POLE2: variants seen among roughly 807,000 people sequenced by gnomAD.
POLE2 encodes the protein DNA polymerase epsilon 2, accessory subunit.
In POLE2, 56 loss-of-function variants were observed where a neutral mutation model predicts 79.4. The ratio of observed to expected loss-of-function variants is 0.71; its 90% CI spans 0.57 to 0.88. The LOEUF (loss-of-function observed/expected upper bound fraction) is 0.88. Ranked by LOEUF, POLE2 falls within the 40% of genes least tolerant of loss-of-function variation. The probability of loss-of-function intolerance (pLI) is 0.00; values close to 1 mark genes in which losing one functional copy is unlikely to be tolerated. For missense variants in POLE2, 598 were observed against 638.9 expected (o/e 0.94, Z 0.69); for synonymous variants, 212 against 214.0 (o/e 0.99, Z 0.08).
rs1369063857 is a variant in POLE2 at position 49,680,810 on chromosome 14, T to C, written c.170-1010A>G. Among the ~76,000 whole-genome samples the C allele has an allele frequency of 2.0e-5, 3 of 152,238 alleles. No homozygotes were observed. The East Asian group carries it at 5.8e-4, about 29-fold the overall frequency. On this transcript the variant is annotated intron_variant, in intron 2 of 18. Transcript: ENST00000216367. The stretch of plus-strand genomic sequence containing the variant: ...GCTCTGTCAGCTAATTTTTTGTATT[T>C]TTAGTAGAGACGGGGTTTCACTGTG...
intron 9 of POLE2, among the ~76,000 whole-genome samples, chr14:49,664,323 T>C (rs1035362072): frequency 9.1e-5 from 13 of 142,592 alleles, no homozygotes; most frequent in African/African-American, 3.5e-4. Context: ...CACTCCAGCC[T>C]AGGTGACAGA....
chr14:49,677,681 G>A (rs1045837798), intron 3 of POLE2: 52 of 1,141,682 alleles, frequency 4.6e-5, no homozygotes, highest in Middle Eastern at 5.5e-4. Context: ...AGGCCCTTAC[G>A]AAATGGTGTT....
intron 15 of POLE2, among the ~76,000 whole-genome samples, chr14:49,653,659 T>C (rs1021588995): frequency 5.9e-5 from 9 of 152,176 alleles, no homozygotes; most frequent in Admixed American, 6.5e-5. Context: ...TTTTTGTTTT[T>C]TTGAGACAGG....
At chr14:49,686,136 C>G (rs979221986) in intron 1 of POLE2, among the ~76,000 whole-genome samples, 1 of 152,158 alleles carries the variant, frequency 6.6e-6, no homozygotes, top group Non-Finnish European at 1.5e-5. Context: ...TCCATTACTC[C>G]TGGTAGTTAC....
intron 18 of POLE2, 56 bp from the exon 19 acceptor site, chr14:49,643,726 T>C (rs1329420354): frequency 5.7e-6 from 5 of 876,500 alleles, no homozygotes; most frequent in African/African-American, 5.2e-5. Flanking sequence ...TACTTACTAA[T>C]AGTTGTAGTT....
intron 10 of POLE2, among the ~76,000 whole-genome samples, chr14:49,661,357 A>C (rs1885087753): frequency 6.6e-6 from 1 of 152,206 alleles, no homozygotes; most frequent in African/African-American, 2.4e-5. Flanking sequence ...GTTCCCACCA[A>C]GTGGACCAAC....
rs1566522550 is a variant in POLE2 at position 49,646,301 on chromosome 14, G to GTTTT, written c.1565+991_1565+992insAAAA. Among the ~76,000 whole-genome samples, 45 of 90,768 alleles carry GTTTT rather than the reference G, an allele frequency of 5.0e-4. 2 individuals carry two copies. The highest frequency in any genetic ancestry group is 2.1e-3 in the African/African-American group (44 of 21,064). 59.5% of individuals were successfully genotyped at this position (90,768 alleles called of 152,430 possible). On this transcript the variant is annotated intron_variant, in intron 18 of 18. Coordinates refer to ENST00000216367, the MANE Select transcript of POLE2 (RefSeq NM_002692.4). ...TGATTTGGTCAGTTGTTTTTTTGTT[G>GTTTT]GTTTTTTTTTTTTTTTTTTTTTTTT...
intron 13 of POLE2, 199 bp from the exon 14 acceptor site, chr14:49,654,413 GC>G: frequency 3.8e-6 from 2 of 529,692 alleles, no homozygotes; most frequent in South Asian, 5.8e-5. Context: ...TATCTGCACT[GC>G]CCAATTGAAC....
At chr14:49,667,061 G>T (rs372251009) in intron 6 of POLE2, among the ~76,000 whole-genome samples, 2 of 151,914 alleles carry the variant, frequency 1.3e-5, no homozygotes, top group African/African-American at 4.8e-5. Flanking sequence ...GGTGGCAGGC[G>T]CCTGTAGTCC....
intron 1 of POLE2, among the ~76,000 whole-genome samples, chr14:49,686,309 T>C (rs1887133086): frequency 1.3e-5 from 2 of 152,212 alleles, no homozygotes; most frequent in African/African-American, 4.8e-5. Flanking sequence ...CCTCCTTGAT[T>C]AGGTTGCCTC....
intron 15 of POLE2, among the ~76,000 whole-genome samples, chr14:49,652,250 C>T (rs1884312043): frequency 1.3e-4 from 1 of 7,728 alleles, no homozygotes; most frequent in East Asian, 5.2e-4. Context: ...GGCAACAGAG[C>T]GAGACTCCGT....
At chr14:49,687,856 C>T (rs571256776) in intron 1 of POLE2, among the ~76,000 whole-genome samples, 2 of 152,066 alleles carry the variant, frequency 1.3e-5, no homozygotes, top group Non-Finnish European at 2.9e-5. Context: ...CGCGCCACCA[C>T]GCCCAGCTAA....
At chr14:49,679,484 C>A in intron 3 of POLE2, 1 of 382,814 alleles carries the variant, frequency 2.6e-6, no homozygotes, top group Non-Finnish European at 4.7e-6. Context: ...GGGTAGGCAG[C>A]AAAAGTTAGT....
chr14:49,645,751 C>G (rs1191359736), intron 18 of POLE2, among the ~76,000 whole-genome samples: 1 of 152,220 alleles, frequency 6.6e-6, no homozygotes, highest in Non-Finnish European at 1.5e-5. Flanking sequence ...CCACCTCAGT[C>G]TCCCCAGTAC....
chr14:49,677,397 A>G, intron 3 of POLE2: 1 of 482,590 alleles, frequency 2.1e-6, no homozygotes, highest in South Asian at 2.5e-5. Context: ...GAGGCCATTC[A>G]TGCCAAGGGT....
chr14:49,662,622 T>C (rs1450590695), intron 10 of POLE2, among the ~76,000 whole-genome samples: 2 of 152,254 alleles, frequency 1.3e-5, no homozygotes, highest in Non-Finnish European at 2.9e-5. Context: ...GTTTTTGCTG[T>C]GTGAGAATTC....
intron 18 of POLE2, 114 bp from the exon 19 acceptor site, chr14:49,643,784 T>A (rs540607327): frequency 5.0e-4 from 227 of 452,992 alleles, no homozygotes; most frequent in African/African-American, 4.0e-3. Context: ...AACAGGTCAA[T>A]ACATACATAC....
intron 2 of POLE2, among the ~76,000 whole-genome samples, chr14:49,680,364 A>G (rs941019741): frequency 3.9e-5 from 6 of 152,034 alleles, no homozygotes; most frequent in African/African-American, 1.5e-4. Flanking sequence ...AAAAAAAAAA[A>G]AAATTCTCTA....
intron 5 of POLE2, among the ~76,000 whole-genome samples, chr14:49,671,508 T>A (rs1357800753): frequency 6.7e-6 from 1 of 150,328 alleles, no homozygotes; most frequent in African/African-American, 2.5e-5. Context: ...TCCCAGCTAC[T>A]CGGGAGGCTG....
Sources: allele counts gnomAD v4.1 joint callset (sites outside exome capture counted in the v4.1 genomes callset), GRCh38; gene constraint gnomAD v4.1.1; transcripts MANE v1.5; gene names NCBI Gene and HGNC (gene_info 2026-07-23, HGNC 2026-07-21).